TPO: variants seen among roughly 807,000 people sequenced by gnomAD.
The protein encoded by TPO is thyroid microsomal antigen.
TPO carries 78 observed loss-of-function variants against 96.9 expected under a neutral mutation model. The ratio of observed to expected loss-of-function variants is 0.81; its 90% CI spans 0.67 to 0.97. The LOEUF (loss-of-function observed/expected upper bound fraction) is 0.97, where lower values mean the gene tolerates loss of function less well. Ranked by LOEUF, TPO falls within the 50% of genes least tolerant of loss-of-function variation. TPO has a pLI of 0.00. For missense variants in TPO, 1,252 were observed against 1,274.8 expected, an observed-to-expected ratio of 0.98 and a Z score of 0.27; for synonymous variants, 547 against 538.0, an observed-to-expected ratio of 1.02 and a Z score of -0.23.
intron 15 of TPO, among the ~76,000 whole-genome samples, chr2:1,538,260 A>G (rs1195440996): frequency 6.6e-6 from 1 of 152,126 alleles, no homozygotes; most frequent in African/African-American, 2.4e-5. Flanking sequence ...AGTGCAGTTA[A>G]TATTTCTCAT....
chr2:1,437,768 G>C (rs1665727980), intron 5 of TPO, among the ~76,000 whole-genome samples: 1 of 152,336 alleles, frequency 6.6e-6, no homozygotes, highest in Middle Eastern at 3.4e-3. Flanking sequence ...GAGGCAGCCT[G>C]TGCTGAACAC....
chr2:1,422,398 CAT>C (rs1663843093), intron 2 of TPO, among the ~76,000 whole-genome samples: 1 of 109,326 alleles, frequency 9.1e-6, no homozygotes, highest in East Asian at 2.2e-4. Flanking sequence ...CGCGCTGGGC[CAT>C]GGGGAGAGCG....
chr2:1,511,997 T>C (rs2125051910), intron 14 of TPO, among the ~76,000 whole-genome samples: 1 of 152,312 alleles, frequency 6.6e-6, no homozygotes, highest in South Asian at 2.1e-4. Context: ...TTAGTTTTTG[T>C]CCTGAGAACA....
intron 7 of TPO, among the ~76,000 whole-genome samples, chr2:1,458,590 T>C (rs1429401310): frequency 6.6e-6 from 1 of 152,108 alleles, no homozygotes; most frequent in Non-Finnish European, 1.5e-5. Context: ...CATGTGTGTA[T>C]ATGGCATATA....
At chr2:1,486,360 A>G (rs1244265709) in intron 9 of TPO, among the ~76,000 whole-genome samples, 1 of 152,018 alleles carries the variant, frequency 6.6e-6, no homozygotes, top group Non-Finnish European at 1.5e-5. Context: ...CATCTCTACT[A>G]AAAATACAAA....
rs116364372 is a variant in TPO at position 1,525,110 on chromosome 2, C to T, written c.2618+8128C>T. Among the ~76,000 whole-genome samples the T allele has an allele frequency of 5.1e-3, 597 of 117,664 alleles. 28 individuals are homozygous for T. Among genetic ancestry groups the T allele is most frequent in the African/African-American group, 0.019 (561 of 29,360 alleles). The allele number at this position is 117,664 out of a possible 152,430, so 77.2% of individuals were successfully genotyped here. On this transcript the variant is annotated intron_variant, in intron 15 of 16. Transcript: ENST00000329066. ...CCTACTGTGTGCAACCTGCTCAAAT[C>T]CCCAAACTGTGTGCAACCTCCCCAA... is the stretch of plus-strand genomic sequence containing the variant.
chr2:1,484,651 A>T lies in TPO; in HGVS notation c.1394A>T (p.Gln465Leu), dbSNP rs554066055. ...PRILGPEAFQ[Q>L]YVGPYEGYDS... is the part of the protein sequence containing the mutation. ...ATCCTGGGACCCGAGGCCTTCCAGC[A>T]GTACGTGGGTCCCTATGAAGGCTAT... Residue 465 changes from glutamine (Q) to leucine (L), a missense_variant, in exon 9 of 17, where the codon CAG becomes CTG. Physicochemically the swap from Gln to Leu is moderately radical, Grantham distance 113 (BLOSUM62 -2). Coordinates refer to ENST00000329066, the MANE Select transcript of TPO (RefSeq NM_001206744.2). The T allele has an allele frequency of 6.2e-7, 1 of 1,614,166 alleles. No homozygotes were observed. The highest frequency in any genetic ancestry group is 1.3e-5 in the African/African-American group (1 of 75,024).
chr2:1,419,616 A>G (rs776894780), intron 2 of TPO, among the ~76,000 whole-genome samples: 31 of 152,264 alleles, frequency 2.0e-4, no homozygotes, highest in South Asian at 4.1e-4. Context: ...TTGTGTGGCA[A>G]ACCTCTGCAG....
intron 14 of TPO, chr2:1,512,550 C>T (rs1167643044): frequency 2.1e-6 from 2 of 935,924 alleles, no homozygotes; most frequent in African/African-American, 1.8e-5. Flanking sequence ...CCCTGCTGGG[C>T]TCCTGGCTGC....
At chr2:1,412,419 G>A (rs1662440707), upstream of TPO, among the ~76,000 whole-genome samples, 2 of 152,096 alleles carry the variant, frequency 1.3e-5, no homozygotes, top group Non-Finnish European at 2.9e-5. Flanking sequence ...CAGGGTGCGT[G>A]GGGGGATTAT....
intron 14 of TPO, among the ~76,000 whole-genome samples, chr2:1,505,484 C>G (rs1279850655): frequency 1.1e-5 from 1 of 88,590 alleles, no homozygotes; most frequent in African/African-American, 5.4e-5. Flanking sequence ...GCATCCCCCC[C>G]ACCCCGTGTC....
At chr2:1,394,374 C>G (rs1281396816) in intron 1 of TPO, among the ~76,000 whole-genome samples, 3 of 152,186 alleles carry the variant, frequency 2.0e-5, no homozygotes, top group African/African-American at 7.2e-5. Flanking sequence ...GCTTCGATGC[C>G]GCCTGCACTG....
intron 1 of TPO, among the ~76,000 whole-genome samples, chr2:1,385,508 T>C (rs1460508607): frequency 6.6e-6 from 1 of 152,228 alleles, no homozygotes; most frequent in Non-Finnish European, 1.5e-5. Flanking sequence ...GAGGTGTTTA[T>C]AGTAGTCTCT....
intron 3 of TPO, among the ~76,000 whole-genome samples, chr2:1,430,360 G>GTAGCTTC (rs1664854456): frequency 6.6e-6 from 1 of 152,240 alleles, no homozygotes; most frequent in Non-Finnish European, 1.5e-5. Flanking sequence ...AGGAGGCTTA[G>GTAGCTTC]TAGCTTCCCC....
rs1442459401 is a variant in TPO at position 1,528,463 on chromosome 2, TCTCAACTGTGTGCAACCTCCTCAAATCC to T, written c.2618+11483_2618+11510del. ...CCACTGTGTGCAACCTCCTCAAATC[TCTCAACTGTGTGCAACCTCCTCAAATCC>T]CCCCTTCTGTGCAATTTCCCCAAAT... On this transcript the variant is annotated intron_variant, in intron 15 of 16. Coordinates refer to ENST00000329066, the MANE Select transcript of TPO (RefSeq NM_001206744.2). Among the ~76,000 whole-genome samples the T allele has an allele frequency of 4.1e-5, 4 of 97,190 alleles. 1 individual carries two copies. The East Asian group carries it at 1.7e-3, about 40-fold the overall frequency. The allele number at this position is 97,190 out of a possible 152,430, so 63.8% of individuals were successfully genotyped here.
chr2:1,501,790 G>A (rs188411851), intron 13 of TPO, among the ~76,000 whole-genome samples: 10 of 152,162 alleles, frequency 6.6e-5, no homozygotes, highest in South Asian at 4.2e-4. Flanking sequence ...GACGCCCCCC[G>A]ACTCCCGAGA....
intron 7 of TPO, among the ~76,000 whole-genome samples, chr2:1,474,675 G>A (rs1329716547): frequency 6.6e-6 from 1 of 152,288 alleles, no homozygotes; most frequent in South Asian, 2.1e-4. Flanking sequence ...TTGTTAGGGA[G>A]TCATCGATCT....
chr2:1,467,692 C>T lies in TPO; in HGVS notation c.820-9394C>T, dbSNP rs1043158231. Among the ~76,000 whole-genome samples the T allele has an allele frequency of 5.9e-5, 9 of 152,062 alleles. 1 individual carries two copies. Among genetic ancestry groups the T allele is most frequent in the African/African-American group, 2.2e-4 (9 of 41,504 alleles). On this transcript the variant is annotated intron_variant, in intron 7 of 16. Transcript: ENST00000329066. ...GTTGGGTAGAATGTTCTGTAAATAC[C>T]TGTTAAGTCCATTTGTTCCAGGGTA...
intron 6 of TPO, 85 bp from the exon 7 acceptor site, chr2:1,455,979 ACAAGAACCACAC>A: frequency 7.8e-7 from 1 of 1,287,326 alleles, no homozygotes; most frequent in Non-Finnish European, 1.1e-6. Context: ...AGCTCTGTGA[ACAAGAACCACAC>A]CAGGAAGTGC....
Sources: allele counts gnomAD v4.1 joint callset (sites outside exome capture counted in the v4.1 genomes callset), GRCh38; gene constraint gnomAD v4.1.1; transcripts MANE v1.5; gene names NCBI Gene and HGNC (gene_info 2026-07-23, HGNC 2026-07-21).